Variants in TUSC3 observed in about 807,000 individuals in gnomAD.
The protein encoded by TUSC3 is dolichyl-diphosphooligosaccharide--protein glycosyltransferase subunit TUSC3.
TUSC3 carries 45 observed loss-of-function variants against 44.8 expected under a neutral mutation model. The ratio of observed to expected loss-of-function variants is 1.00; its 90% CI spans 0.79 to 1.29. TUSC3 has a LOEUF of 1.29. TUSC3 is among the 50% of genes most tolerant of loss of function. TUSC3 has a pLI of 0.00. For missense variants in TUSC3, 519 were observed against 437.9 expected, an observed-to-expected ratio of 1.19 and a Z score of -1.65; for synonymous variants, 212 against 152.9, an observed-to-expected ratio of 1.39 and a Z score of -2.85.
At position 15,523,682 on chromosome 8, in the gene TUSC3, G is replaced by GTATATA. The variant is rs1167010172; in HGVS notation, n.189+40200_189+40201insATATAT. ...TATATATATGTGTGTGTGTGTGTGT[G>GTATATA]TGTGTGTGTGTGTGTGTGTGTGTGT... On this transcript the variant is annotated intron_variant and non_coding_transcript_variant, in intron 2 of 5. Transcript: ENST00000503191. Among the ~76,000 whole-genome samples the GTATATA allele has an allele frequency of 1.4e-3, 54 of 38,644 alleles. 3 individuals carry two copies. Among genetic ancestry groups the GTATATA allele is most frequent in the African/African-American group, 4.2e-3 (53 of 12,618 alleles). 25.4% of individuals were successfully genotyped at this position (38,644 alleles called of 152,430 possible). A position where few individuals can be genotyped will look rare whatever the true frequency, so the allele number is the denominator to read the frequency against.
chr8:15,730,293 TTGGTCATTTCTAACTTATTTTAAAGG>T (rs1436803244), intron 6 of TUSC3, among the ~76,000 whole-genome samples: 2 of 152,160 alleles, frequency 1.3e-5, no homozygotes, highest in African/African-American at 4.8e-5. Context: ...GATTAGACAT[TTGGTCATTTCTAACTTATTTTAAAGG>T]ATGAAAAATC....
At chr8:15,617,463 A>G (rs903158226) in intron 1 of TUSC3, among the ~76,000 whole-genome samples, 4 of 152,072 alleles carry the variant, frequency 2.6e-5, no homozygotes, top group Non-Finnish European at 4.4e-5. Flanking sequence ...AAAGCCACAC[A>G]TTAATATGGA....
In TUSC3 at chr8:15,582,017, C is replaced by T. The variant is rs372510191; in HGVS notation, c.139-41063C>T. 3.5e-3 allele frequency among the ~76,000 whole-genome samples: 526 copies of T among 152,058 alleles called. 4 individuals carry two copies. The highest frequency in any genetic ancestry group is 0.012 in the African/African-American group (497 of 41,376). On this transcript the variant is annotated intron_variant, in intron 1 of 10. Coordinates refer to ENST00000503731, the MANE Select transcript of TUSC3 (RefSeq NM_006765.4). ...TGTGGGATATAATCTTGTGGTGCGC[C>T]GCTTTTTAAGCCGGTCTGAAAAGCG...
chr8:15,487,406 T>C (rs949569138), intron 2 of TUSC3, among the ~76,000 whole-genome samples: 14 of 152,220 alleles, frequency 9.2e-5, no homozygotes, highest in African/African-American at 3.4e-4. Context: ...AATCAGTTTC[T>C]TTTCTAGCAT....
intron 1 of TUSC3, among the ~76,000 whole-genome samples, chr8:15,455,236 C>G (rs1310196039): frequency 6.6e-6 from 1 of 152,162 alleles, no homozygotes; most frequent in Non-Finnish European, 1.5e-5. Context: ...TCCCCCAAAA[C>G]CCCAGGACTG....
chr8:15,504,982 G>A (rs140032682), intron 2 of TUSC3, among the ~76,000 whole-genome samples: 2,503 of 152,028 alleles, frequency 0.016, 28 homozygotes, highest in Non-Finnish European at 0.025. Context: ...TTCAAATGAG[G>A]TGCGGGCTTC....
chr8:15,748,733 G>A lies in TUSC3; in HGVS notation c.1028+268G>A, dbSNP rs149338638. On this transcript the variant is annotated intron_variant, in intron 9 of 10. Transcript: ENST00000503731. Reference sequence around the variant, plus strand: ...CAAATGAGGTTTAAGCTCATTTTGAGGACTTGAAAATTTTTATCTTCCCTT... The same window carrying A: ...CAAATGAGGTTTAAGCTCATTTTGAAGACTTGAAAATTTTTATCTTCCCTT... 5.3e-3 allele frequency: 3,145 copies of A among 595,406 alleles called. 18 individuals carry two copies. The highest frequency in any genetic ancestry group is 8.2e-3 in the Non-Finnish European group (2,558 of 311,692). The allele number at this position is 595,406 out of a possible 1,614,324, so 36.9% of individuals were successfully genotyped here.
chr8:15,497,394 C>T (rs1351201845), intron 2 of TUSC3, among the ~76,000 whole-genome samples: 4 of 152,098 alleles, frequency 2.6e-5, no homozygotes, highest in Non-Finnish European at 5.9e-5. Context: ...TCGCTCTTGC[C>T]CTGAAGGAGA....
At chr8:15,552,768 A>G (rs1802102007) in intron 1 of TUSC3, among the ~76,000 whole-genome samples, 1 of 151,572 alleles carries the variant, frequency 6.6e-6, no homozygotes, top group Non-Finnish European at 1.5e-5. Flanking sequence ...GGGAGAATTG[A>G]AGGGTTTTAT....
At chr8:15,471,614 T>A (rs953761663) in intron 1 of TUSC3, among the ~76,000 whole-genome samples, 7 of 148,980 alleles carry the variant, frequency 4.7e-5, no homozygotes, top group Non-Finnish European at 1.0e-4. Context: ...TTCTTTCCAG[T>A]TCTGATTTTT....
chr8:15,443,804 G>C (rs974062528), intron 1 of TUSC3, among the ~76,000 whole-genome samples: 1 of 152,144 alleles, frequency 6.6e-6, no homozygotes, highest in Non-Finnish European at 1.5e-5. Flanking sequence ...TAGTGCTTAA[G>C]ATACTTTGCA....
chr8:15,775,182 A>C, the TUSC3 span, among the ~76,000 whole-genome samples: 54 of 152,290 alleles, frequency 3.5e-4, no homozygotes, highest in South Asian at 2.9e-3. Context: ...TGAACTTTGA[A>C]AACAAGTGAA....
intron 1 of TUSC3, among the ~76,000 whole-genome samples, chr8:15,470,810 T>G (rs1800482032): frequency 6.6e-6 from 1 of 152,126 alleles, no homozygotes; most frequent in Non-Finnish European, 1.5e-5. Context: ...TTCAGGAAAT[T>G]GCTGTGTCTA....
chr8:15,748,554 A>C (rs771216527), intron 9 of TUSC3, 89 bp downstream of exon 9: 3 of 1,233,962 alleles, frequency 2.4e-6, no homozygotes, highest in East Asian at 2.3e-5. Context: ...GATGAATGTA[A>C]AGTTGCTGTG....
At chr8:15,846,872 A>G in the TUSC3 span, among the ~76,000 whole-genome samples, 2 of 136,832 alleles carry the variant, frequency 1.5e-5, no homozygotes, top group African/African-American at 5.3e-5. Context: ...GTATAATGAT[A>G]ATTTGAAAAA....
chr8:15,430,066 C>T (rs1236422093), intron 1 of TUSC3, among the ~76,000 whole-genome samples: 1 of 151,422 alleles, frequency 6.6e-6, no homozygotes, highest in African/African-American at 2.4e-5. Context: ...GAGCTGGTAC[C>T]TTTCCTTCTG....
intron 10 of TUSC3, chr8:15,758,135 T>A (rs1812009436): frequency 1.7e-6 from 2 of 1,150,882 alleles, no homozygotes; most frequent in African/African-American, 3.2e-5. Flanking sequence ...TCTTAACTTC[T>A]GTTTGTTATC....
At chr8:15,568,942 T>G (rs1802770552) in intron 1 of TUSC3, among the ~76,000 whole-genome samples, 1 of 152,130 alleles carries the variant, frequency 6.6e-6, no homozygotes, top group Non-Finnish European at 1.5e-5. Context: ...GGCACATTGG[T>G]TGACTACTTT....
At chr8:15,487,344 G>T (rs1357033941) in intron 2 of TUSC3, among the ~76,000 whole-genome samples, 1 of 152,076 alleles carries the variant, frequency 6.6e-6, no homozygotes, top group East Asian at 1.9e-4. Context: ...TCCTTCTGCT[G>T]TGTTCATCAG....
Sources: allele counts gnomAD v4.1 joint callset (sites outside exome capture counted in the v4.1 genomes callset), GRCh38; gene constraint gnomAD v4.1.1; transcripts MANE v1.5; gene names NCBI Gene and HGNC (gene_info 2026-07-23, HGNC 2026-07-21).